Variants in NRXN3 observed in about 807,000 individuals in gnomAD.
The protein encoded by NRXN3 is neurexin 3, also known as neurexin III.
In NRXN3, 32 loss-of-function variants were observed where a neutral mutation model predicts 137.6. The observed-to-expected ratio is 0.23, with a 90% CI of 0.18 to 0.31. NRXN3 has a LOEUF of 0.31. Among genes scored for constraint, NRXN3 ranks in the 10% least tolerant of loss-of-function variants. The probability of loss-of-function intolerance (pLI) is 1.00; values close to 1 mark genes in which losing one functional copy is unlikely to be tolerated. For synonymous variants in NRXN3, 798 were observed against 784.5 expected (o/e 1.02, Z -0.29); for missense variants, 1,574 against 2,062.5 (o/e 0.76, Z 4.59).
chr14:79,272,551 T>C (rs1324078545), intron 15 of NRXN3, among the ~76,000 whole-genome samples: 1 of 152,202 alleles, frequency 6.6e-6, no homozygotes, highest in Non-Finnish European at 1.5e-5. Context: ...TTATTTTTTA[T>C]TCTAGAGAAG....
intron 16 of NRXN3, among the ~76,000 whole-genome samples, chr14:79,468,807 A>G (rs2096462807): frequency 6.6e-6 from 1 of 152,224 alleles, no homozygotes; most frequent in Non-Finnish European, 1.5e-5. Flanking sequence ...TTAGGAGCTT[A>G]AGGAAGAACT....
chr14:78,773,680 C>T (rs954943687), intron 8 of NRXN3, among the ~76,000 whole-genome samples: 56 of 152,118 alleles, frequency 3.7e-4, no homozygotes, highest in African/African-American at 1.3e-3. Context: ...TTGCTCGACA[C>T]CCTTCCTCAG....
At chr14:78,260,356 TG>T (rs1180970381) in intron 2 of NRXN3, among the ~76,000 whole-genome samples, 1 of 152,208 alleles carries the variant, frequency 6.6e-6, no homozygotes, top group Admixed American at 6.5e-5. Flanking sequence ...TCACTGTTCT[TG>T]GACTGGCTCT....
intron 8 of NRXN3, among the ~76,000 whole-genome samples, chr14:78,793,597 T>C (rs1409085580): frequency 6.6e-6 from 1 of 152,124 alleles, no homozygotes; most frequent in Non-Finnish European, 1.5e-5. Context: ...GTTCCTAATT[T>C]CTCCAGCAGT....
rs1029820340 is a variant in NRXN3, at chr14:79,664,114, C to T, written c.3616+165C>T. ...TAAGTCATCTCTTTAGGACTTGATC[C>T]AGTATAGGGAGCTTCTGGAGACTTT... On this transcript the variant is annotated intron_variant, in intron 17 of 20. Transcript: ENST00000335750. Among the ~76,000 whole-genome samples the T allele has an allele frequency of 3.3e-5, 5 of 152,202 alleles. No homozygotes were observed. In the South Asian group the frequency reaches 8.3e-4, roughly 25 times the overall value.
chr14:78,647,438 G>T (rs189752283), intron 5 of NRXN3, among the ~76,000 whole-genome samples: 7 of 152,306 alleles, frequency 4.6e-5, no homozygotes, highest in Admixed American at 3.9e-4. Flanking sequence ...AGCACCTTAT[G>T]TTCCAGAAGG....
At chr14:78,684,884 C>G (rs751927689) in intron 6 of NRXN3, among the ~76,000 whole-genome samples, 2 of 152,108 alleles carry the variant, frequency 1.3e-5, no homozygotes, top group African/African-American at 4.8e-5. Flanking sequence ...AAATATCATG[C>G]AACTTCATTG....
chr14:79,646,805 T>C (rs2098455102), intron 16 of NRXN3, among the ~76,000 whole-genome samples: 2 of 136,178 alleles, frequency 1.5e-5, no homozygotes, highest in Non-Finnish European at 3.4e-5. Context: ...ACACTTCTTG[T>C]AACTTCTCTC....
At chr14:78,533,097 G>C (rs1217388012) in intron 4 of NRXN3, among the ~76,000 whole-genome samples, 3 of 110,462 alleles carry the variant, frequency 2.7e-5, no homozygotes, top group African/African-American at 6.4e-5. Context: ...TCTCCCTCCA[G>C]CCTTTTTTTT....
intron 8 of NRXN3, among the ~76,000 whole-genome samples, chr14:78,729,804 C>T (rs1169158263): frequency 2.6e-5 from 4 of 152,142 alleles, no homozygotes; most frequent in Non-Finnish European, 5.9e-5. Context: ...CTTCTCTAGA[C>T]GGGGAGCCAT....
At chr14:79,758,230 A>G (rs1310528130) in intron 19 of NRXN3, among the ~76,000 whole-genome samples, 1 of 152,170 alleles carries the variant, frequency 6.6e-6, no homozygotes, top group Admixed American at 6.5e-5. Context: ...GTTGCTATAA[A>G]GAAACATGTG....
intron 15 of NRXN3, among the ~76,000 whole-genome samples, chr14:79,111,693 G>A (rs968660020): frequency 2.7e-5 from 4 of 149,722 alleles, no homozygotes; most frequent in African/African-American, 1.0e-4. Flanking sequence ...AGCTGAGATC[G>A]CACCGTGGCA....
intron 6 of NRXN3, among the ~76,000 whole-genome samples, chr14:78,701,225 C>G (rs2098275016): frequency 6.6e-6 from 1 of 152,204 alleles, no homozygotes; most frequent in African/African-American, 2.4e-5. Context: ...GGCAAAGGGT[C>G]AGAAATCTTG....
chr14:79,697,261 T>G (rs1001149272), intron 18 of NRXN3, among the ~76,000 whole-genome samples: 4 of 152,028 alleles, frequency 2.6e-5, no homozygotes, highest in Admixed American at 6.6e-5. Flanking sequence ...CTTTAAACAT[T>G]AATGCAGTAG....
At chr14:79,679,612 TAAG>T (rs2098659108) in intron 17 of NRXN3, among the ~76,000 whole-genome samples, 1 of 152,078 alleles carries the variant, frequency 6.6e-6, no homozygotes, top group African/African-American at 2.4e-5. Flanking sequence ...CATTGTGTGT[TAAG>T]GAGGGAATTA....
chr14:78,955,708 CTG>C (rs1306518079), intron 10 of NRXN3, among the ~76,000 whole-genome samples: 12 of 152,088 alleles, frequency 7.9e-5, no homozygotes, highest in African/African-American at 2.9e-4. Context: ...CTTTGAAACT[CTG>C]TTTATTTTTC....
At chr14:78,679,461 T>G (rs549061168) in intron 6 of NRXN3, among the ~76,000 whole-genome samples, 44 of 152,324 alleles carry the variant, frequency 2.9e-4, no homozygotes, top group Admixed American at 5.2e-4. Flanking sequence ...TTATTCAGCT[T>G]AGCCTGAAAG....
At chr14:79,740,193 T>C (rs941525687) in intron 19 of NRXN3, among the ~76,000 whole-genome samples, 2 of 152,166 alleles carry the variant, frequency 1.3e-5, no homozygotes, top group African/African-American at 2.4e-5. Context: ...CCAATATTTC[T>C]TCTCTTCTCC....
At chr14:79,402,892 A>G (rs2370981) in intron 15 of NRXN3, among the ~76,000 whole-genome samples, 3,166 of 152,286 alleles carry the variant, frequency 0.021, 53 homozygotes, top group East Asian at 0.043. Flanking sequence ...ACAAACAATT[A>G]TTTCAGTGAG....
Sources: gnomAD v4.1 joint callset for allele counts (sites outside exome capture counted in the v4.1 genomes callset) on GRCh38, gnomAD v4.1.1 for gene constraint, MANE v1.5 for transcripts, NCBI Gene and HGNC (gene_info 2026-07-23, HGNC 2026-07-21) for gene names.